POLR3B: variants seen among roughly 807,000 people sequenced by gnomAD.
POLR3B encodes the protein DNA-directed RNA polymerase III subunit RPC2.
A neutral mutation model predicts 147.4 loss-of-function variants in POLR3B; 96 were observed. The observed-to-expected ratio is 0.65, with a 90% confidence interval of 0.55 to 0.77. POLR3B has a LOEUF of 0.77. Among genes scored for constraint, POLR3B ranks in the 30% least tolerant of loss-of-function variants. The pLI is 0.00. For synonymous variants in POLR3B, 461 were observed against 485.9 expected (o/e 0.95, Z 0.67); for missense variants, 1,036 against 1,413.5 (o/e 0.73, Z 4.28).
At chr12:106,452,689 A>G (rs768918916) in intron 19 of POLR3B, among the ~76,000 whole-genome samples, 1 of 152,216 alleles carries the variant, frequency 6.6e-6, no homozygotes, top group African/African-American at 2.4e-5. Context: ...TTTCTAAAAC[A>G]GTAAGTGATC....
intron 9 of POLR3B, among the ~76,000 whole-genome samples, chr12:106,389,231 CTGGT>C (rs2036882217): frequency 1.3e-5 from 2 of 152,200 alleles, no homozygotes; most frequent in Middle Eastern, 3.2e-3. Context: ...GTCTTTGCAG[CTGGT>C]GTGCTTTGAT....
Position 106,395,749 on chromosome 12 carries a change from A to G in POLR3B, c.846+2596A>G, listed in dbSNP as rs1295716225. Among the ~76,000 whole-genome samples the G allele has an allele frequency of 8.5e-5, 13 of 152,058 alleles. No homozygotes were observed. The East Asian group carries it at 2.5e-3, about 29-fold the overall frequency. On this transcript the variant is annotated intron_variant, in intron 10 of 27. Transcript: ENST00000228347. ...ATCCAGAGGCCGAGGTGGGTGGATCATTTGAGGTCAGGAGTTCAAGACCCA... is the reference window on the plus strand; with the variant it reads ...ATCCAGAGGCCGAGGTGGGTGGATCGTTTGAGGTCAGGAGTTCAAGACCCA...
intron 15 of POLR3B, among the ~76,000 whole-genome samples, chr12:106,432,831 C>G (rs2037527945): frequency 6.6e-6 from 1 of 152,146 alleles, no homozygotes; most frequent in African/African-American, 2.4e-5. Context: ...CAGATCAACT[C>G]TTATAATGAA....
At chr12:106,421,455 GT>G (rs2037372974) in intron 12 of POLR3B, among the ~76,000 whole-genome samples, 1 of 152,064 alleles carries the variant, frequency 6.6e-6, no homozygotes, top group South Asian at 2.1e-4. Flanking sequence ...TTAAGTTTTT[GT>G]CTAATAGATG....
In POLR3B at chr12:106,357,961, A is replaced by G. The variant is rs765433170; in HGVS notation, c.72+10A>G. Reference sequence around the variant, plus strand: ...GATCCCGACTGTAGAGGTCAGTGCCAGGCACGCAGGGAGCGTCAGGGACAA... The same window carrying G: ...GATCCCGACTGTAGAGGTCAGTGCCGGGCACGCAGGGAGCGTCAGGGACAA... On this transcript the variant is annotated intron_variant, in intron 1 of 27. Transcript: ENST00000228347. The G allele has an allele frequency of 6.2e-7, 1 of 1,611,958 alleles. No homozygotes were observed. The highest frequency in any genetic ancestry group is 8.5e-7 in the Non-Finnish European group (1 of 1,179,860).
At chr12:106,498,351 G>A (rs907118969) in intron 25 of POLR3B, among the ~76,000 whole-genome samples, 5 of 152,218 alleles carry the variant, frequency 3.3e-5, no homozygotes, top group Non-Finnish European at 4.4e-5. Context: ...CAGGCGACCA[G>A]GCTTGGGAGC....
intron 27 of POLR3B, chr12:106,507,837 T>C (rs762824793): frequency 1.8e-5 from 8 of 455,328 alleles, no homozygotes; most frequent in Non-Finnish European, 3.1e-5. Context: ...TTTATTTTAC[T>C]GATTGCAAAA....
intron 9 of POLR3B, among the ~76,000 whole-genome samples, chr12:106,385,007 G>A (rs745433782): frequency 6.6e-6 from 1 of 151,998 alleles, no homozygotes; most frequent in Non-Finnish European, 1.5e-5. Context: ...TGTATTTTTG[G>A]TAGAGATGGG....
At chr12:106,411,257 G>A (rs1310519906) in intron 12 of POLR3B, among the ~76,000 whole-genome samples, 1 of 152,104 alleles carries the variant, frequency 6.6e-6, no homozygotes, top group African/African-American at 2.4e-5. Context: ...TCCTGCCTCA[G>A]CCTCCCGAGT....
At chr12:106,444,122 G>A (rs568187654) in intron 18 of POLR3B, among the ~76,000 whole-genome samples, 1 of 152,252 alleles carries the variant, frequency 6.6e-6, no homozygotes, top group Non-Finnish European at 1.5e-5. Context: ...TACTTGGCTA[G>A]TAACTGTATT....
At chr12:106,484,078 G>A (rs1260886449) in intron 23 of POLR3B, among the ~76,000 whole-genome samples, 2 of 152,178 alleles carry the variant, frequency 1.3e-5, no homozygotes, top group African/African-American at 4.8e-5. Context: ...TTCTCTTGCA[G>A]GCTGCCTGGT....
chr12:106,369,174 A>G (rs1366793279), intron 4 of POLR3B, 101 bp from the exon 5 acceptor site: 2 of 778,372 alleles, frequency 2.6e-6, no homozygotes, highest in Non-Finnish European at 4.7e-6. Flanking sequence ...CAAGATAAGC[A>G]TTTATCAAAA....
chr12:106,490,348 T>TGTGC (rs1364005714), intron 23 of POLR3B, among the ~76,000 whole-genome samples: 1 of 152,244 alleles, frequency 6.6e-6, no homozygotes, highest in Non-Finnish European at 1.5e-5. Flanking sequence ...ATCAGCCCTT[T>TGTGC]GTGCGCTTCA....
rs572129709 is a variant in POLR3B at position 106,366,963 on chromosome 12, C to T, written c.227+241C>T. Reference sequence around the variant, plus strand: ...TACTAAAAATACAAAATTAGCCAGGCGTGGTGGTGCACATCTGTAATTCCA... The same window carrying T: ...TACTAAAAATACAAAATTAGCCAGGTGTGGTGGTGCACATCTGTAATTCCA... On this transcript the variant is annotated intron_variant, in intron 4 of 27. Coordinates refer to ENST00000228347, the MANE Select transcript of POLR3B (RefSeq NM_018082.6). Among the ~76,000 whole-genome samples, 5 of 152,192 alleles carry T rather than the reference C, an allele frequency of 3.3e-5. No homozygotes were observed. Among genetic ancestry groups the T allele is most frequent in the East Asian group, 1.9e-4 (1 of 5,178 alleles).
rs1053103025 is a variant in POLR3B, at chr12:106,430,601, C to G, written c.1464+128C>G. 34 of 740,216 alleles carry G rather than the reference C, an allele frequency of 4.6e-5. 1 individual carries two copies. The South Asian group carries it at 4.8e-4, about 11-fold the overall frequency. The allele number at this position is 740,216 out of a possible 1,614,324, so 45.9% of individuals were successfully genotyped here. ...ATCCTTTCTTTGGTCTGTCATTTAT[C>G]TGGCAAATAAATATTGACATGCTTG... is the stretch of plus-strand genomic sequence containing the variant. On this transcript the variant is annotated intron_variant, in intron 14 of 27. Coordinates refer to ENST00000228347, the MANE Select transcript of POLR3B (RefSeq NM_018082.6).
chr12:106,373,716 T>C (rs1019904397), intron 6 of POLR3B, among the ~76,000 whole-genome samples: 41 of 152,152 alleles, frequency 2.7e-4, no homozygotes, highest in African/African-American at 9.4e-4. Flanking sequence ...ATTGTGCCAC[T>C]GTACTCCAGC....
intron 16 of POLR3B, among the ~76,000 whole-genome samples, chr12:106,435,254 C>T (rs1311834143): frequency 2.6e-5 from 4 of 151,026 alleles, no homozygotes; most frequent in Non-Finnish European, 5.9e-5. Flanking sequence ...CAGCTCCCCA[C>T]CCCCGTCCCT....
At chr12:106,425,784 C>A (rs1000259149) in intron 12 of POLR3B, among the ~76,000 whole-genome samples, 6 of 152,114 alleles carry the variant, frequency 3.9e-5, no homozygotes, top group Non-Finnish European at 7.4e-5. Context: ...TTAGCTGATT[C>A]CTTCAATTAC....
Position 106,437,951 on chromosome 12 carries a change from C to T in POLR3B, c.1955+172C>T, listed in dbSNP as rs554368588. ...CATGCAGGTTTGTTACATAGGTAAA[C>T]GTGGGCCATGGTGGTTTGCTGTACC... On this transcript the variant is annotated intron_variant, in intron 18 of 27. Coordinates refer to ENST00000228347, the MANE Select transcript of POLR3B (RefSeq NM_018082.6). Among the ~76,000 whole-genome samples, 10 of 152,204 alleles carry T rather than the reference C, an allele frequency of 6.6e-5. No individual in the cohort carries two copies. The South Asian group carries it at 1.9e-3, about 28-fold the overall frequency.
Sources: allele counts gnomAD v4.1 joint callset (sites outside exome capture counted in the v4.1 genomes callset), GRCh38; gene constraint gnomAD v4.1.1; transcripts MANE v1.5; gene names NCBI Gene and HGNC (gene_info 2026-07-23, HGNC 2026-07-21).